The following GPC1 variants were observed in gnomAD, a reference collection of about 807,000 sequenced individuals.
GPC1 encodes the protein glypican-1.
A neutral mutation model predicts 51.5 loss-of-function variants in GPC1; 26 were observed. That is an observed-to-expected ratio of 0.50 (90% CI 0.37 to 0.70). GPC1 has a LOEUF of 0.70. GPC1 is among the 30% of genes least tolerant of loss of function. The probability of loss-of-function intolerance (pLI) is 0.00; values close to 1 mark genes in which losing one functional copy is unlikely to be tolerated. For missense variants in GPC1, 775 were observed against 800.5 expected (o/e 0.97, Z 0.38); for synonymous variants, 380 against 348.3 (o/e 1.09, Z -1.01).
chr2:240,443,594 A>T (rs1189504715), intron 1 of GPC1, among the ~76,000 whole-genome samples: 2 of 152,204 alleles, frequency 1.3e-5, no homozygotes, highest in African/African-American at 4.8e-5. Flanking sequence ...CCCTGAGGCC[A>T]GGCGACTCGG....
Position 240,439,604 on chromosome 2 carries a change from C to T in GPC1, c.166+3520C>T, listed in dbSNP as rs144074513. ...ACCGCCTGGGTGGTTGGCACACAGACTCTGGGGAACCATCCTCAGAGGGCC... is the reference window on the plus strand; with the variant it reads ...ACCGCCTGGGTGGTTGGCACACAGATTCTGGGGAACCATCCTCAGAGGGCC... On this transcript the variant is annotated intron_variant, in intron 1 of 8. Coordinates refer to ENST00000264039, the MANE Select transcript of GPC1 (RefSeq NM_002081.3). 2.0e-5 allele frequency among the ~76,000 whole-genome samples: 3 copies of T among 152,358 alleles called. No homozygotes were observed. The East Asian group carries it at 5.8e-4, about 29-fold the overall frequency.
intron 7 of GPC1, 117 bp downstream of exon 7, chr2:240,465,327 C>G: frequency 7.3e-7 from 1 of 1,364,928 alleles, no homozygotes; most frequent in African/African-American, 1.4e-5. Context: ...TTGAGCCCCA[C>G]TTCTCTGCGG....
In GPC1 at chr2:240,464,635, C is replaced by T. The variant is rs146467719; in HGVS notation, c.903C>T (p.Thr301=). Residue 301 remains threonine, a synonymous_variant, in exon 5 of 9, where the codon ACC becomes ACT. Coordinates refer to ENST00000264039, the MANE Select transcript of GPC1 (RefSeq NM_002081.3). ...TCCTAGACTCCATGGTGCTCATCAC[C>T]GACAAGTTCTGGGGTACATCGGGTG... ...RNLLDSMVLI[T]DKFWGTSGVE... 4.8e-5 allele frequency: 77 copies of T among 1,613,290 alleles called. No homozygotes were observed. In the African/African-American group the frequency reaches 6.0e-4, roughly 13 times the overall value.
At chr2:240,451,588 G>A in intron 1 of GPC1, 1 of 262,960 alleles carries the variant, frequency 3.8e-6, no homozygotes, top group South Asian at 3.7e-5. Context: ...GGCCTCTGGG[G>A]AGCACCTCAT....
intron 1 of GPC1, among the ~76,000 whole-genome samples, chr2:240,444,450 G>A (rs2151786782): frequency 6.6e-6 from 1 of 152,298 alleles, no homozygotes; most frequent in African/African-American, 2.4e-5. Context: ...TCCATCCTGG[G>A]GTGATGGATC....
At chr2:240,455,114 G>C (rs1178788183) in intron 1 of GPC1, 1 of 164,494 alleles carries the variant, frequency 6.1e-6, no homozygotes, top group Non-Finnish European at 1.5e-5. Context: ...GATGGAACGA[G>C]ACAGCAGCTG....
In GPC1 at chr2:240,465,667, C is replaced by T. The variant is rs374067909; in HGVS notation, c.1444+19C>T. ...GACGCCAGTGAGGGCAGGGCCTGGC[C>T]GGGCGGCCAAGGGGCCAGGGTTGGT... On this transcript the variant is annotated intron_variant, in intron 8 of 8. Transcript: ENST00000264039. 7 of 1,609,470 alleles carry T rather than the reference C, an allele frequency of 4.3e-6. No homozygotes were observed. Among genetic ancestry groups the T allele is most frequent in the African/African-American group, 1.3e-5 (1 of 74,906 alleles).
At chr2:240,439,656 A>C (rs551622620) in intron 1 of GPC1, among the ~76,000 whole-genome samples, 2 of 152,194 alleles carry the variant, frequency 1.3e-5, no homozygotes, top group Admixed American at 1.3e-4. Flanking sequence ...ACATCCCTGA[A>C]AGGGTGTTTC....
chr2:240,466,008 C>A, intron 8 of GPC1, 50 bp from the exon 9 acceptor site: 2 of 1,194,316 alleles, frequency 1.7e-6, no homozygotes, highest in Non-Finnish European at 2.5e-6. Flanking sequence ...TGGTGCTGCA[C>A]TGGGGTCTCC....
At chr2:240,442,679 G>T (rs529240760) in intron 1 of GPC1, among the ~76,000 whole-genome samples, 1 of 152,232 alleles carries the variant, frequency 6.6e-6, no homozygotes, top group Non-Finnish European at 1.5e-5. Flanking sequence ...CTGAGGAATC[G>T]GGGTTAGGCC....
intron 1 of GPC1, chr2:240,450,848 G>C (rs973412101): frequency 2.2e-6 from 1 of 455,694 alleles, no homozygotes; most frequent in Non-Finnish European, 4.6e-6. Flanking sequence ...AGAAAGTGGA[G>C]GCTCCCCTGG....
chr2:240,450,333 G>A (rs2074086149), intron 1 of GPC1: 1 of 338,562 alleles, frequency 3.0e-6, no homozygotes, highest in Non-Finnish European at 5.8e-6. Context: ...GCCTTTGCCT[G>A]CAGCTCAGGA....
At chr2:240,436,705 G>C (rs983600808) in intron 1 of GPC1, among the ~76,000 whole-genome samples, 1 of 152,250 alleles carries the variant, frequency 6.6e-6, no homozygotes, top group Non-Finnish European at 1.5e-5. Flanking sequence ...GCACTTATCC[G>C]CGGGCGGAAC....
intron 1 of GPC1, among the ~76,000 whole-genome samples, chr2:240,447,921 G>A (rs2074062663): frequency 1.3e-5 from 2 of 152,164 alleles, no homozygotes; most frequent in South Asian, 2.1e-4. Context: ...CTGCTTCCTG[G>A]TTGTCACCCT....
intron 1 of GPC1, among the ~76,000 whole-genome samples, chr2:240,436,582 C>A (rs1245189333): frequency 6.6e-6 from 1 of 152,258 alleles, no homozygotes; most frequent in Non-Finnish European, 1.5e-5. Context: ...CTCTGGGAGG[C>A]GTCTCCGGTC....
chr2:240,441,009 G>A (rs565913355), intron 1 of GPC1, among the ~76,000 whole-genome samples: 1 of 152,400 alleles, frequency 6.6e-6, no homozygotes, highest in African/African-American at 2.4e-5. Context: ...TTAGTGGACA[G>A]GTACCCTATT....
intron 1 of GPC1, chr2:240,442,569 C>T (rs1426258231): frequency 2.6e-5 from 4 of 152,372 alleles, no homozygotes; most frequent in Admixed American, 2.0e-4. Flanking sequence ...TCCGAATTCC[C>T]CCTCTTCACA....
intron 2 of GPC1, among the ~76,000 whole-genome samples, chr2:240,459,873 C>T (rs1023420328): frequency 6.6e-6 from 1 of 152,174 alleles, no homozygotes; most frequent in Non-Finnish European, 1.5e-5. Context: ...GACCTCTGAT[C>T]AGAAACACGA....
chr2:240,465,811 T>G (rs2074256722), intron 8 of GPC1, among the ~76,000 whole-genome samples, 163 bp downstream of exon 8: 1 of 152,186 alleles, frequency 6.6e-6, no homozygotes. Flanking sequence ...CACCGAGCCC[T>G]GCACCTCTGC....
Sources: gnomAD v4.1 joint callset for allele counts (sites outside exome capture counted in the v4.1 genomes callset) on GRCh38, gnomAD v4.1.1 for gene constraint, MANE v1.5 for transcripts, NCBI Gene and HGNC (gene_info 2026-07-23, HGNC 2026-07-21) for gene names.